PCDHGA6: variants seen among roughly 807,000 people sequenced by gnomAD.
The protein encoded by PCDHGA6 is protocadherin gamma subfamily A, 6.
PCDHGA6 carries 41 observed loss-of-function variants against 60.6 expected under a neutral mutation model. That is an observed-to-expected ratio of 0.68 (90% CI 0.53 to 0.88). The LOEUF (loss-of-function observed/expected upper bound fraction) is 0.88, where lower values mean the gene tolerates loss of function less well. Ranked by LOEUF, PCDHGA6 falls within the 40% of genes least tolerant of loss-of-function variation. PCDHGA6 has a pLI of 0.00. For missense variants in PCDHGA6, 1,312 were observed against 1,203.0 expected, an observed-to-expected ratio of 1.09 and a Z score of -1.34; for synonymous variants, 594 against 524.4, an observed-to-expected ratio of 1.13 and a Z score of -1.81.
intron 1 of PCDHGA6, among the ~76,000 whole-genome samples, chr5:141,437,411 T>C (rs1014219268): frequency 1.1e-4 from 17 of 152,222 alleles, no homozygotes; most frequent in African/African-American, 4.1e-4. Flanking sequence ...TCCAGAAGTA[T>C]TATGCTTTTT....
chr5:141,511,320 A>G lies in PCDHGA6; in HGVS notation c.*147A>G. ...CATGCTCCCCTTGGGAAACAGAAAC[A>G]AGTGCCCAGTCAGCACCTACCCCTT... On this transcript the variant is annotated 3_prime_UTR_variant, in exon 4 of 4. Transcript: ENST00000517434. 6.8e-7 allele frequency: 1 copy of G among 1,475,678 alleles called. No homozygotes were observed. The highest frequency in any genetic ancestry group is 1.4e-5 in the South Asian group (1 of 72,746). 91.4% of individuals were successfully genotyped at this position (1,475,678 alleles called of 1,614,324 possible).
chr5:141,409,714 C>T (rs1053132512), intron 1 of PCDHGA6: 1 of 1,613,226 alleles, frequency 6.2e-7, no homozygotes, highest in Non-Finnish European at 8.5e-7. Flanking sequence ...TGTCGTCATA[C>T]GTGTCAGTGA....
In PCDHGA6 at chr5:141,511,502, A is replaced by G. The variant is rs953158220; in HGVS notation, c.*329A>G. ...CTGAACTCCTCCATCTTCCAAATCAATCAGGCCCATCCATCCCATGCCTCC... is the reference window on the plus strand; with the variant it reads ...CTGAACTCCTCCATCTTCCAAATCAGTCAGGCCCATCCATCCCATGCCTCC... On this transcript the variant is annotated 3_prime_UTR_variant, in exon 4 of 4. Transcript: ENST00000517434. The G allele has an allele frequency of 1.3e-5, 5 of 395,150 alleles. No homozygotes were observed. Among genetic ancestry groups the G allele is most frequent in the African/African-American group, 1.0e-4 (5 of 48,770 alleles). The allele number at this position is 395,150 out of a possible 1,614,324, so 24.5% of individuals were successfully genotyped here.
At position 141,477,222 on chromosome 5, in the gene PCDHGA6, C is replaced by T; in HGVS notation, c.2425-17585C>T. Reference sequence around the variant, plus strand: ...GTACCCGAGGATGCCCCTCTGGGGACTGTCATCGCTTTGCTCAGTGTGACT... The same window carrying T: ...GTACCCGAGGATGCCCCTCTGGGGATTGTCATCGCTTTGCTCAGTGTGACT... On this transcript the variant is annotated intron_variant, in intron 1 of 3. Transcript: ENST00000517434. This position sits in a 1 kb window ranked among gnomAD's most constrained non-coding sequence, Gnocchi z 4.9. 2 of 1,614,218 alleles carry T rather than the reference C, an allele frequency of 1.2e-6. No homozygotes were observed. Among genetic ancestry groups the T allele is most frequent in the South Asian group, 1.1e-5 (1 of 91,086 alleles).
chr5:141,450,280 T>C (rs1374970772), intron 1 of PCDHGA6, among the ~76,000 whole-genome samples: 2 of 152,166 alleles, frequency 1.3e-5, no homozygotes, highest in African/African-American at 4.8e-5. Context: ...AGCTAAGTGC[T>C]GGGATTACAG....
chr5:141,423,985 C>T (rs1334591897), intron 1 of PCDHGA6: 2 of 1,100,512 alleles, frequency 1.8e-6, no homozygotes, highest in Non-Finnish European at 2.2e-6. Flanking sequence ...ATGAGGCTCT[C>T]AATTTATTAT....
At chr5:141,392,847 G>A (rs759327251) in intron 1 of PCDHGA6, 2 of 1,610,450 alleles carry the variant, frequency 1.2e-6, no homozygotes, top group Non-Finnish European at 1.7e-6. Context: ...CAGACGCGGC[G>A]AGCTGATCCT....
chr5:141,433,286 T>C (rs2097581877), intron 1 of PCDHGA6: 2 of 1,143,608 alleles, frequency 1.7e-6, no homozygotes, highest in African/African-American at 1.6e-5. Flanking sequence ...CTCAAACTCC[T>C]AGGCTCAAGC....
At chr5:141,502,074 C>G (rs73794927) in intron 2 of PCDHGA6, among the ~76,000 whole-genome samples, 1,657 of 152,272 alleles carry the variant, frequency 0.011, 27 homozygotes, top group African/African-American at 0.037. Flanking sequence ...CCCCCTTCAC[C>G]TGGGGCTGAG....
At chr5:141,417,718 G>T in intron 1 of PCDHGA6, 1 of 1,304,720 alleles carries the variant, frequency 7.7e-7, no homozygotes. Context: ...GCTCCCGGCT[G>T]CGCAGACCTT....
intron 1 of PCDHGA6, chr5:141,400,170 G>T (rs779918187): frequency 6.2e-7 from 1 of 1,614,066 alleles, no homozygotes; most frequent in Admixed American, 1.7e-5. Flanking sequence ...CTGACCCCCA[G>T]GCTGAGCTGC....
chr5:141,472,324 G>A (rs1027842697), intron 1 of PCDHGA6, among the ~76,000 whole-genome samples: 2 of 150,650 alleles, frequency 1.3e-5, no homozygotes, highest in African/African-American at 2.4e-5. Flanking sequence ...GGCAGATCAC[G>A]AGGTTGGGAG....
intron 1 of PCDHGA6, chr5:141,399,431 T>A (rs757950073): frequency 3.1e-6 from 5 of 1,613,970 alleles, no homozygotes; most frequent in Admixed American, 3.3e-5. Context: ...ATAAGCGTCA[T>A]CCTACATATC....
At position 141,491,121 on chromosome 5, in the gene PCDHGA6, G is replaced by T. The variant is rs1176877834; in HGVS notation, c.2425-3686G>T. On this transcript the variant is annotated intron_variant, in intron 1 of 3. Transcript: ENST00000517434. The surrounding 1 kb of genome is among the most constrained non-coding windows in gnomAD (Gnocchi z 6.9). ...TCCTCGTGTCTACACACACTGGTGA[G>T]GTGCGCACAGCCCGGGCCTTACTGG... 5 of 1,614,200 alleles carry T rather than the reference G, an allele frequency of 3.1e-6. No individual in the cohort carries two copies. In the South Asian group the frequency reaches 5.5e-5, roughly 18 times the overall value.
At chr5:141,436,211 C>T (rs12108692) in intron 1 of PCDHGA6, among the ~76,000 whole-genome samples, 2,997 of 152,100 alleles carry the variant, frequency 0.02, 43 homozygotes, top group African/African-American at 0.029. Flanking sequence ...AATAGGAAAA[C>T]AAATGACTTG....
intron 1 of PCDHGA6, chr5:141,422,941 G>A (rs777535652): frequency 9.9e-6 from 16 of 1,614,218 alleles, no homozygotes; most frequent in East Asian, 4.5e-5. Context: ...CCCCACAGAC[G>A]GCTCCACTGG....
At chr5:141,427,898 C>A (rs2154552434) in intron 1 of PCDHGA6, 1 of 1,570,872 alleles carries the variant, frequency 6.4e-7, no homozygotes, top group Non-Finnish European at 8.7e-7. Context: ...AGGGCTCGCC[C>A]GCGCTCAGCG....
intron 1 of PCDHGA6, chr5:141,395,576 G>A: frequency 4.2e-6 from 1 of 237,360 alleles, no homozygotes; most frequent in Non-Finnish European, 8.1e-6. Flanking sequence ...GTGTGTGTGT[G>A]TGTGTGTGTG....
At chr5:141,393,316 A>T (rs2092726404) in intron 1 of PCDHGA6, 2 of 1,612,964 alleles carry the variant, frequency 1.2e-6, no homozygotes, top group Non-Finnish European at 1.7e-6. Flanking sequence ...AACTCCCTCC[A>T]GAGCTACCAG....
Sources: allele counts gnomAD v4.1 joint callset (sites outside exome capture counted in the v4.1 genomes callset), GRCh38; gene constraint gnomAD v4.1.1; non-coding constraint Gnocchi (gnomAD v3.1); transcripts MANE v1.5; gene names NCBI Gene and HGNC (gene_info 2026-07-23, HGNC 2026-07-21).